ADAMTS17: variants seen among roughly 807,000 people sequenced by gnomAD.
The protein encoded by ADAMTS17 is A disintegrin and metalloproteinase with thrombospondin motifs 17.
ADAMTS17 carries 113 observed loss-of-function variants against 141.5 expected under a neutral mutation model. The observed-to-expected ratio is 0.80, with a 90% CI of 0.69 to 0.93. The LOEUF (loss-of-function observed/expected upper bound fraction) is 0.93, where lower values mean the gene tolerates loss of function less well. Ranked by LOEUF, ADAMTS17 falls within the 40% of genes least tolerant of loss-of-function variation. ADAMTS17 has a pLI of 0.00. For missense variants in ADAMTS17, 1,659 were observed against 1,517.9 expected, an observed-to-expected ratio of 1.09 and a Z score of -1.54; for synonymous variants, 768 against 630.6, an observed-to-expected ratio of 1.22 and a Z score of -3.27.
intron 13 of ADAMTS17, among the ~76,000 whole-genome samples, chr15:100,113,088 C>T (rs2036892423): frequency 6.6e-6 from 1 of 152,134 alleles, no homozygotes. Context: ...CCCAAAGCTG[C>T]CCAACCCGGC....
At chr15:100,082,604 T>G (rs1596373323) in intron 15 of ADAMTS17, among the ~76,000 whole-genome samples, 2 of 152,004 alleles carry the variant, frequency 1.3e-5, no homozygotes, top group South Asian at 2.1e-4. Flanking sequence ...CTCAGGCTGG[T>G]CTGATAGTCA....
intron 20 of ADAMTS17, among the ~76,000 whole-genome samples, chr15:99,991,159 G>A (rs945342964): frequency 9.2e-5 from 14 of 152,252 alleles, no homozygotes; most frequent in Middle Eastern, 6.8e-3. Context: ...GCAAAAGCCA[G>A]AACTGACAAA....
intron 6 of ADAMTS17, among the ~76,000 whole-genome samples, chr15:100,259,200 G>A (rs1362670213): frequency 1.3e-5 from 2 of 152,212 alleles, no homozygotes; most frequent in African/African-American, 4.8e-5. Flanking sequence ...TTCCTCTCTA[G>A]GAAAGTCTTT....
intron 13 of ADAMTS17, among the ~76,000 whole-genome samples, chr15:100,115,562 CAA>C (rs1457587471): frequency 1.3e-5 from 2 of 152,146 alleles, no homozygotes; most frequent in Non-Finnish European, 2.9e-5. Flanking sequence ...CGAGTCAGCT[CAA>C]AGAGGATGGG....
At chr15:100,236,784 G>A (rs1055425986) in intron 7 of ADAMTS17, among the ~76,000 whole-genome samples, 2 of 152,182 alleles carry the variant, frequency 1.3e-5, no homozygotes, top group African/African-American at 2.4e-5. Context: ...GCTGCAGTGA[G>A]CTATGACTGC....
At chr15:100,037,624 G>A (rs1205190218) in intron 18 of ADAMTS17, among the ~76,000 whole-genome samples, 1 of 152,088 alleles carries the variant, frequency 6.6e-6, no homozygotes, top group Non-Finnish European at 1.5e-5. Flanking sequence ...GCCCAGGTTG[G>A]TCTTGAACTC....
intron 7 of ADAMTS17, among the ~76,000 whole-genome samples, chr15:100,243,717 G>A (rs1406081165): frequency 6.6e-6 from 1 of 151,804 alleles, no homozygotes; most frequent in Non-Finnish European, 1.5e-5. Flanking sequence ...TGGAACCCGG[G>A]AGGCAGAGGT....
intron 16 of ADAMTS17, 67 bp downstream of exon 16, chr15:100,053,830 G>A: frequency 6.2e-7 from 1 of 1,613,022 alleles, no homozygotes. Flanking sequence ...AAGTAAACTG[G>A]AAAGTAACCT....
chr15:100,171,713 T>G (rs1216838124), intron 8 of ADAMTS17, among the ~76,000 whole-genome samples: 1 of 152,124 alleles, frequency 6.6e-6, no homozygotes, highest in Non-Finnish European at 1.5e-5. Context: ...CTGGTCATGT[T>G]TCTCTACACC....
At chr15:100,000,425 G>C (rs1359074721) in intron 18 of ADAMTS17, among the ~76,000 whole-genome samples, 1 of 152,178 alleles carries the variant, frequency 6.6e-6, no homozygotes, top group Non-Finnish European at 1.5e-5. Flanking sequence ...TCTTCCAGAG[G>C]ACAACATGGC....
rs2032150068 is a variant in ADAMTS17 at position 100,051,595 on chromosome 15, C to T, written c.2432G>A (p.Gly811Glu). The T allele has an allele frequency of 6.2e-7, 1 of 1,613,852 alleles. No homozygotes were observed. The highest frequency in any genetic ancestry group is 1.7e-5 in the Admixed American group (1 of 60,002). The stretch of plus-strand genomic sequence containing the variant: ...ACCTCCGCCGCACTGCACACTGCAC[C>T]CTTCCCAGCCGCTGTGGGTCCAGAT... The part of the protein sequence containing the change: ...LFIWTHSGWE[G>E]CSVQCGGGER... The change falls in exon 17 of 22, where the codon GGG becomes GAG. Residue 811 changes from glycine to glutamate, a missense_variant. Gly to Glu is a moderately conservative substitution (Grantham distance 98, BLOSUM62 -2). Coordinates refer to ENST00000268070, the MANE Select transcript of ADAMTS17 (RefSeq NM_139057.4).
rs142046834 is a variant in ADAMTS17, at chr15:99,976,905, C to T, written c.2950-683G>A. 3.6e-3 allele frequency among the ~76,000 whole-genome samples: 552 copies of T among 152,268 alleles called. 3 individuals carry two copies. Among genetic ancestry groups the T allele is most frequent in the African/African-American group, 7.1e-3 (297 of 41,556 alleles). ...TTAACTCATGCTAGCTGCATTCCAC[C>T]GCTCGCCTCTGCTCCAGGCTCTGAC... On this transcript the variant is annotated intron_variant, in intron 20 of 21. Coordinates refer to ENST00000268070, the MANE Select transcript of ADAMTS17 (RefSeq NM_139057.4).
intron 4 of ADAMTS17, among the ~76,000 whole-genome samples, chr15:100,270,352 T>G (rs1370603391): frequency 6.6e-6 from 1 of 152,166 alleles, no homozygotes; most frequent in East Asian, 1.9e-4. Flanking sequence ...AGATGGCCCA[T>G]AGTTCAGCAG....
At chr15:100,069,164 A>G (rs989752571) in intron 15 of ADAMTS17, among the ~76,000 whole-genome samples, 10 of 152,208 alleles carry the variant, frequency 6.6e-5, no homozygotes, top group African/African-American at 9.6e-5. Flanking sequence ...TGAAATGAAT[A>G]AAATGAAGCG....
intron 15 of ADAMTS17, among the ~76,000 whole-genome samples, chr15:100,087,338 A>G (rs1041262435): frequency 1.3e-5 from 2 of 152,244 alleles, no homozygotes; most frequent in Non-Finnish European, 2.9e-5. Context: ...AAATTTAGGC[A>G]ATAATTAATA....
At chr15:99,976,303 A>G (rs1323086184) in intron 20 of ADAMTS17, 81 bp from the exon 21 acceptor site, 35 of 1,505,872 alleles carry the variant, frequency 2.3e-5, no homozygotes, top group Non-Finnish European at 3.1e-5. Flanking sequence ...GGCACTGCGG[A>G]GACAGGACAG....
chr15:100,301,661 T>A (rs1453910126), intron 3 of ADAMTS17, among the ~76,000 whole-genome samples: 1 of 151,672 alleles, frequency 6.6e-6, no homozygotes, highest in Non-Finnish European at 1.5e-5. Flanking sequence ...AGGCTTATCA[T>A]CTTTAGTAAT....
chr15:100,209,587 G>A (rs767275177), intron 7 of ADAMTS17, among the ~76,000 whole-genome samples: 2 of 147,184 alleles, frequency 1.4e-5, no homozygotes, highest in East Asian at 2.0e-4. Context: ...TAAAAATGAC[G>A]GCATTACATT....
At chr15:100,274,581 G>A (rs1031180458) in intron 4 of ADAMTS17, among the ~76,000 whole-genome samples, 17 of 152,056 alleles carry the variant, frequency 1.1e-4, no homozygotes, top group East Asian at 9.6e-4. Context: ...CTTATAGACC[G>A]CATATAGTTG....
Sources: gnomAD v4.1 joint callset for allele counts (sites outside exome capture counted in the v4.1 genomes callset) on GRCh38, gnomAD v4.1.1 for gene constraint, MANE v1.5 for transcripts, NCBI Gene and HGNC (gene_info 2026-07-23, HGNC 2026-07-21) for gene names.